CLVS1: variants seen among roughly 807,000 people sequenced by gnomAD.
CLVS1 encodes clavesin-1.
Under a neutral mutation model 33.1 loss-of-function variants are expected in CLVS1, and 10 were observed. The ratio of observed to expected loss-of-function variants is 0.30; its 90% CI spans 0.19 to 0.51. The LOEUF (loss-of-function observed/expected upper bound fraction) is 0.51, where lower values mean the gene tolerates loss of function less well. Among genes scored for constraint, CLVS1 ranks in the 20% least tolerant of loss-of-function variants. The pLI is 0.97. For missense variants in CLVS1, 343 were observed against 433.4 expected (o/e 0.79, Z 1.85); for synonymous variants, 163 against 166.1 (o/e 0.98, Z 0.14).
chr8:61,140,112 C>T (rs970842735), intron 2 of CLVS1, among the ~76,000 whole-genome samples: 2 of 152,028 alleles, frequency 1.3e-5, no homozygotes, highest in Non-Finnish European at 2.9e-5. Flanking sequence ...AGCAAGCGAG[C>T]TGGGAGGGCT....
chr8:61,331,408 G>C (rs529168578), intron 2 of CLVS1, among the ~76,000 whole-genome samples: 1 of 151,612 alleles, frequency 6.6e-6, no homozygotes, highest in South Asian at 2.1e-4. Flanking sequence ...TCATCCAAAG[G>C]ACTTTCTTAC....
intron 2 of CLVS1, among the ~76,000 whole-genome samples, chr8:61,279,162 C>T (rs1376162566): frequency 1.6e-4 from 25 of 152,270 alleles, no homozygotes; most frequent in Non-Finnish European, 1.2e-4. Context: ...TATCCCTGCC[C>T]CAGCTTTCCT....
At chr8:61,228,413 T>C (rs1456316518) in intron 2 of CLVS1, among the ~76,000 whole-genome samples, 1 of 152,204 alleles carries the variant, frequency 6.6e-6, no homozygotes, top group Non-Finnish European at 1.5e-5. Flanking sequence ...GATAAACCCC[T>C]CATAAGCTGA....
At chr8:61,494,937 T>C (rs1380620227) in intron 5 of CLVS1, among the ~76,000 whole-genome samples, 1 of 152,180 alleles carries the variant, frequency 6.6e-6, no homozygotes, top group African/African-American at 2.4e-5. Context: ...AGGGAAAATG[T>C]AAACCAGGAA....
At chr8:61,442,406 GT>G (rs1314051750) in intron 3 of CLVS1, among the ~76,000 whole-genome samples, 5 of 152,270 alleles carry the variant, frequency 3.3e-5, no homozygotes, top group African/African-American at 1.2e-4. Context: ...GAGTGTCTTT[GT>G]ACCAGTTTTT....
intron 1 of CLVS1, among the ~76,000 whole-genome samples, chr8:61,079,145 A>G (rs556112731): frequency 3.9e-5 from 6 of 152,336 alleles, no homozygotes; most frequent in African/African-American, 1.4e-4. Flanking sequence ...GGTGTTTGAG[A>G]CATCAGCTTT....
chr8:60,979,462 A>G, the CLVS1 span, among the ~76,000 whole-genome samples: 173 of 152,344 alleles, frequency 1.1e-3, 1 homozygote, highest in African/African-American at 3.9e-3. Context: ...ATCTGCAGCA[A>G]TACTGATTCC....
chr8:61,275,394 G>A (rs192679767), intron 2 of CLVS1, among the ~76,000 whole-genome samples: 107 of 152,128 alleles, frequency 7.0e-4, no homozygotes, highest in African/African-American at 2.3e-3. Context: ...CAAGGTAACT[G>A]GTTAGCAATA....
intron 3 of CLVS1, among the ~76,000 whole-genome samples, chr8:61,437,502 T>C (rs1188442693): frequency 1.3e-5 from 2 of 152,174 alleles, no homozygotes; most frequent in African/African-American, 2.4e-5. Context: ...GGAGGAAATG[T>C]ATGCAAATAG....
chr8:61,004,175 C>T, the CLVS1 span, among the ~76,000 whole-genome samples: 243 of 152,322 alleles, frequency 1.6e-3, 3 homozygotes, highest in Non-Finnish European at 3.7e-4. Flanking sequence ...AATGCAATAG[C>T]ACATATAAAG....
At chr8:61,061,493 G>A (rs376735592) in intron 1 of CLVS1, among the ~76,000 whole-genome samples, 10 of 151,810 alleles carry the variant, frequency 6.6e-5, no homozygotes, top group Non-Finnish European at 1.2e-4. Flanking sequence ...CTCTGTTTCC[G>A]GCTCCTCCCC....
chr8:61,253,224 T>G (rs565982527), intron 2 of CLVS1, among the ~76,000 whole-genome samples: 2 of 152,228 alleles, frequency 1.3e-5, no homozygotes, highest in Admixed American at 1.3e-4. Context: ...AAAATTCTTT[T>G]CTTTAAGAAT....
Position 61,361,165 on chromosome 8 carries a change from G to A in CLVS1, c.456-15440G>A, listed in dbSNP as rs1812960927. 2.0e-5 allele frequency among the ~76,000 whole-genome samples: 3 copies of A among 152,166 alleles called. No homozygotes were observed. In the South Asian group the frequency reaches 6.2e-4, roughly 31 times the overall value. ...GGGGAAGGTGCTAACCCATTAATGA[G>A]AACTCTGCCCCCATGATACAATCAC... is the stretch of plus-strand genomic sequence containing the variant. On this transcript the variant is annotated intron_variant, in intron 2 of 5. Transcript: ENST00000325897.
intron 2 of CLVS1, among the ~76,000 whole-genome samples, chr8:61,238,109 T>G (rs1303429303): frequency 6.6e-6 from 1 of 152,220 alleles, no homozygotes; most frequent in Non-Finnish European, 1.5e-5. Flanking sequence ...CAGGGGGTCC[T>G]ATAGAAGATC....
the CLVS1 span, among the ~76,000 whole-genome samples, chr8:61,014,912 G>A: frequency 1.3e-5 from 2 of 152,224 alleles, no homozygotes; most frequent in Non-Finnish European, 2.9e-5. Context: ...AAGGTGACCA[G>A]GAGAGTGCCT....
intron 2 of CLVS1, among the ~76,000 whole-genome samples, chr8:61,320,236 A>G (rs1811148024): frequency 6.6e-6 from 1 of 151,984 alleles, no homozygotes. Flanking sequence ...ACACATTTTT[A>G]TAAGTTATAA....
chr8:61,265,162 T>G (rs928511104), intron 2 of CLVS1, among the ~76,000 whole-genome samples: 1 of 152,174 alleles, frequency 6.6e-6, no homozygotes, highest in South Asian at 2.1e-4. Context: ...ATTAGAAAAT[T>G]AACATGGCCT....
intron 3 of CLVS1, among the ~76,000 whole-genome samples, chr8:61,387,478 TTTTTTTTTTA>T (rs1814131696): frequency 6.7e-6 from 1 of 148,844 alleles, no homozygotes. Flanking sequence ...TTTTTTTTTT[TTTTTTTTTTA>T]AATTTCAATA....
At chr8:61,112,905 G>A (rs1805655353) in intron 1 of CLVS1, among the ~76,000 whole-genome samples, 1 of 152,114 alleles carries the variant, frequency 6.6e-6, no homozygotes, top group African/African-American at 2.4e-5. Flanking sequence ...ATTTTTGCAG[G>A]AACCTCTGGG....
Sources: allele counts gnomAD v4.1 joint callset (sites outside exome capture counted in the v4.1 genomes callset), GRCh38; gene constraint gnomAD v4.1.1; transcripts MANE v1.5; gene names NCBI Gene and HGNC (gene_info 2026-07-23, HGNC 2026-07-21).